SNTG1: variants seen among roughly 807,000 people sequenced by gnomAD.
SNTG1 encodes the protein gamma-1-syntrophin.
A neutral mutation model predicts 74.7 loss-of-function variants in SNTG1; 39 were observed. The observed-to-expected ratio is 0.52, with a 90% CI of 0.40 to 0.68. The LOEUF is 0.68. Among genes scored for constraint, SNTG1 ranks in the 30% least tolerant of loss-of-function variants. SNTG1 has a pLI of 0.00. For synonymous variants in SNTG1, 254 were observed against 217.1 expected (o/e 1.17, Z -1.49); for missense variants, 685 against 609.5 (o/e 1.12, Z -1.30).
intron 18 of SNTG1, among the ~76,000 whole-genome samples, chr8:50,763,025 A>G (rs1189935624): frequency 1.3e-5 from 2 of 151,828 alleles, no homozygotes; most frequent in Non-Finnish European, 2.9e-5. Flanking sequence ...TATCTCTCAG[A>G]CTTGTCCACA....
chr8:50,187,687 A>G (rs2083433865), intron 2 of SNTG1, among the ~76,000 whole-genome samples: 1 of 152,176 alleles, frequency 6.6e-6, no homozygotes, highest in Non-Finnish European at 1.5e-5. Flanking sequence ...TTGCTCTGAG[A>G]TGAGGTCCAT....
At chr8:50,311,793 G>C (rs981582876) in intron 2 of SNTG1, among the ~76,000 whole-genome samples, 2 of 152,162 alleles carry the variant, frequency 1.3e-5, no homozygotes, top group East Asian at 3.8e-4. Context: ...AAAATACATG[G>C]AAATACACTT....
intron 1 of SNTG1, among the ~76,000 whole-genome samples, chr8:50,085,634 G>A (rs1382484094): frequency 6.6e-6 from 1 of 152,154 alleles, no homozygotes; most frequent in Non-Finnish European, 1.5e-5. Flanking sequence ...AATCTGTGCT[G>A]CAGTCTGCAC....
At chr8:50,137,370 C>G (rs2081507973) in intron 1 of SNTG1, among the ~76,000 whole-genome samples, 1 of 152,076 alleles carries the variant, frequency 6.6e-6, no homozygotes, top group Non-Finnish European at 1.5e-5. Flanking sequence ...ATCTCCTGAC[C>G]ACAGCTCTCA....
At chr8:50,098,363 T>C (rs1177069252) in intron 1 of SNTG1, among the ~76,000 whole-genome samples, 9 of 152,188 alleles carry the variant, frequency 5.9e-5, no homozygotes, top group Non-Finnish European at 1.3e-4. Context: ...ATTGAAAATA[T>C]TGAAAAACTA....
chr8:50,300,049 T>A (rs1165254813), intron 2 of SNTG1, among the ~76,000 whole-genome samples: 2 of 152,156 alleles, frequency 1.3e-5, no homozygotes, highest in Non-Finnish European at 2.9e-5. Context: ...AATTTATTTT[T>A]AAAACACTTT....
chr8:50,059,297 G>A (rs1321021058), intron 1 of SNTG1, among the ~76,000 whole-genome samples: 2 of 152,058 alleles, frequency 1.3e-5, no homozygotes, highest in Non-Finnish European at 2.9e-5. Context: ...GCAGTTGCAT[G>A]TTTAACTTAG....
chr8:50,198,229 T>C (rs1191969581), intron 2 of SNTG1, among the ~76,000 whole-genome samples: 1 of 152,172 alleles, frequency 6.6e-6, no homozygotes, highest in Non-Finnish European at 1.5e-5. Flanking sequence ...GGGATCCAGC[T>C]GGGAGAAAGC....
At chr8:50,302,519 C>T (rs1011201878) in intron 2 of SNTG1, among the ~76,000 whole-genome samples, 1 of 152,206 alleles carries the variant, frequency 6.6e-6, no homozygotes, top group South Asian at 2.1e-4. Context: ...CCAAGCAAAA[C>T]ACCATAAACT....
chr8:50,401,054 T>C (rs1383584616), intron 3 of SNTG1, among the ~76,000 whole-genome samples: 1 of 152,164 alleles, frequency 6.6e-6, no homozygotes, highest in Non-Finnish European at 1.5e-5. Flanking sequence ...AAACCTCACA[T>C]TGTTTGCCAT....
At chr8:49,970,677 G>A (rs1005765300) in intron 1 of SNTG1, among the ~76,000 whole-genome samples, 7 of 152,128 alleles carry the variant, frequency 4.6e-5, no homozygotes, top group East Asian at 1.9e-4. Flanking sequence ...GCTCTAATTC[G>A]CATGTCTCTA....
At chr8:50,240,314 C>G (rs969379166) in intron 2 of SNTG1, among the ~76,000 whole-genome samples, 6 of 152,190 alleles carry the variant, frequency 3.9e-5, no homozygotes, top group Non-Finnish European at 8.8e-5. Flanking sequence ...TTTTTAATTT[C>G]AGCAGAAGGT....
In SNTG1 at chr8:50,227,586, TTCA is replaced by T. The variant is rs34096824; in HGVS notation, c.-28+54958_-28+54960del. Among the ~76,000 whole-genome samples, 764 of 152,042 alleles carry T rather than the reference TTCA, an allele frequency of 5.0e-3. 4 individuals carry two copies. Among genetic ancestry groups the T allele is most frequent in the Non-Finnish European group, 8.6e-3 (582 of 67,944 alleles). On this transcript the variant is annotated intron_variant, in intron 2 of 18. Coordinates refer to ENST00000642720, the MANE Select transcript of SNTG1 (RefSeq NM_018967.5). ...AGAGGCCCATTTGGAAGAAAAAAAT[TTCA>T]TCATCAGGTTGTAGAATGATTCTCC...
intron 2 of SNTG1, among the ~76,000 whole-genome samples, chr8:50,320,421 A>T (rs754714007): frequency 6.6e-6 from 1 of 151,792 alleles, no homozygotes; most frequent in Non-Finnish European, 1.5e-5. Flanking sequence ...AGTTAGTCTG[A>T]CTACAGATTT....
At chr8:50,684,059 T>C (rs2095341983) in intron 15 of SNTG1, among the ~76,000 whole-genome samples, 1 of 152,202 alleles carries the variant, frequency 6.6e-6, no homozygotes, top group Admixed American at 6.5e-5. Flanking sequence ...TGTAATTTCA[T>C]TCTTAGTAGA....
At chr8:50,495,134 A>G (rs878869317) in intron 8 of SNTG1, among the ~76,000 whole-genome samples, 2 of 152,166 alleles carry the variant, frequency 1.3e-5, no homozygotes, top group Non-Finnish European at 1.5e-5. Context: ...TTCTTTCATC[A>G]TATAACCAGA....
At chr8:50,354,268 T>C (rs907567724) in intron 2 of SNTG1, among the ~76,000 whole-genome samples, 8 of 152,250 alleles carry the variant, frequency 5.3e-5, no homozygotes, top group Non-Finnish European at 1.0e-4. Context: ...GTCACAGATC[T>C]ACCTTTTTAT....
At chr8:49,966,874 T>C (rs1811187697) in intron 1 of SNTG1, among the ~76,000 whole-genome samples, 1 of 152,210 alleles carries the variant, frequency 6.6e-6, no homozygotes. Flanking sequence ...CTAGCATATA[T>C]TAAATAATAA....
intron 4 of SNTG1, among the ~76,000 whole-genome samples, chr8:50,427,105 T>C (rs1334503409): frequency 1.3e-5 from 2 of 152,184 alleles, no homozygotes; most frequent in Admixed American, 6.5e-5. Flanking sequence ...AATGGTTATG[T>C]ATACTTCTAC....
Sources: gnomAD v4.1 joint callset for allele counts (sites outside exome capture counted in the v4.1 genomes callset) on GRCh38, gnomAD v4.1.1 for gene constraint, MANE v1.5 for transcripts, NCBI Gene and HGNC (gene_info 2026-07-23, HGNC 2026-07-21) for gene names.